Variants in ARHGAP22 observed in about 807,000 individuals in gnomAD.
The protein encoded by ARHGAP22 is rho GTPase-activating protein 22.
ARHGAP22 carries 48 observed loss-of-function variants against 59.1 expected under a neutral mutation model. The ratio of observed to expected loss-of-function variants is 0.81; its 90% CI spans 0.64 to 1.03. The LOEUF (loss-of-function observed/expected upper bound fraction) is 1.03, where lower values mean the gene tolerates loss of function less well. Among genes scored for constraint, ARHGAP22 ranks in the 50% least tolerant of loss-of-function variants. ARHGAP22 has a pLI of 0.00. For synonymous variants in ARHGAP22, 445 were observed against 416.4 expected (o/e 1.07, Z -0.84); for missense variants, 1,015 against 958.7 (o/e 1.06, Z -0.78).
intron 1 of ARHGAP22, among the ~76,000 whole-genome samples, chr10:48,634,384 C>T (rs1003113244): frequency 3.4e-4 from 52 of 152,220 alleles, no homozygotes; most frequent in African/African-American, 1.2e-3. Context: ...GGATAAGCTG[C>T]TGGGTGCAGA....
At chr10:48,457,210 G>C (rs11101331) in intron 5 of ARHGAP22, among the ~76,000 whole-genome samples, 1 of 152,004 alleles carries the variant, frequency 6.6e-6, no homozygotes. Context: ...TGCAGAACAC[G>C]CCATGCCTCC....
chr10:48,635,824 A>T (rs1208746043), intron 1 of ARHGAP22, among the ~76,000 whole-genome samples: 3 of 152,192 alleles, frequency 2.0e-5, no homozygotes, highest in Non-Finnish European at 4.4e-5. Flanking sequence ...ATTGGACAAC[A>T]TAAACTTAGA....
intron 3 of ARHGAP22, among the ~76,000 whole-genome samples, chr10:48,491,662 A>C (rs560386257): frequency 1.1e-3 from 171 of 152,390 alleles, no homozygotes; most frequent in African/African-American, 3.9e-3. Context: ...GCAGCGGCAG[A>C]ACAAAGGAGA....
chr10:48,601,345 C>A (rs1019098743), intron 1 of ARHGAP22, among the ~76,000 whole-genome samples: 5 of 152,206 alleles, frequency 3.3e-5, no homozygotes, highest in Non-Finnish European at 5.9e-5. Flanking sequence ...GATTCCCTAA[C>A]CACTTTTCAA....
At chr10:48,577,642 G>A (rs1588908278) in intron 2 of ARHGAP22, among the ~76,000 whole-genome samples, 2 of 152,008 alleles carry the variant, frequency 1.3e-5, no homozygotes, top group African/African-American at 4.8e-5. Context: ...TGTTCTCTAA[G>A]ATATTCCACC....
intron 3 of ARHGAP22, among the ~76,000 whole-genome samples, chr10:48,488,063 A>G (rs1306490841): frequency 1.3e-5 from 2 of 152,214 alleles, no homozygotes; most frequent in Non-Finnish European, 2.9e-5. Context: ...ATAAATAAAT[A>G]AATAGTAAAC....
At chr10:48,608,445 G>A (rs923467820), upstream of ARHGAP22, among the ~76,000 whole-genome samples, 5 of 152,182 alleles carry the variant, frequency 3.3e-5, no homozygotes, top group Non-Finnish European at 7.3e-5. Flanking sequence ...GCACAAAGGC[G>A]ACATATAGAT....
At chr10:48,602,689 A>G (rs978156559) in intron 1 of ARHGAP22, among the ~76,000 whole-genome samples, 1 of 152,206 alleles carries the variant, frequency 6.6e-6, no homozygotes, top group Non-Finnish European at 1.5e-5. Context: ...TTGGGGGTAT[A>G]ATGATGTCCC....
At chr10:48,559,616 G>C (rs1297673748) in intron 2 of ARHGAP22, among the ~76,000 whole-genome samples, 1 of 152,196 alleles carries the variant, frequency 6.6e-6, no homozygotes, top group Non-Finnish European at 1.5e-5. Context: ...TGGTCATTAA[G>C]TGCTGATTGT....
chr10:48,469,612 A>T (rs1372265276), intron 4 of ARHGAP22, among the ~76,000 whole-genome samples: 1 of 152,170 alleles, frequency 6.6e-6, no homozygotes, highest in Non-Finnish European at 1.5e-5. Flanking sequence ...TGGCAACAGC[A>T]TCCAGCGATG....
intron 3 of ARHGAP22, among the ~76,000 whole-genome samples, chr10:48,528,268 C>T (rs1221909115): frequency 2.0e-5 from 3 of 152,198 alleles, no homozygotes; most frequent in African/African-American, 7.2e-5. Flanking sequence ...AAGGCACCCT[C>T]ACAGCACTAT....
At chr10:48,613,648 T>C (rs1176923055) in intron 1 of ARHGAP22, among the ~76,000 whole-genome samples, 4 of 151,384 alleles carry the variant, frequency 2.6e-5, no homozygotes, top group African/African-American at 9.7e-5. Context: ...GGAATATAAC[T>C]TTTATAGACC....
intron 3 of ARHGAP22, among the ~76,000 whole-genome samples, chr10:48,501,792 C>T (rs182926619): frequency 2.2e-4 from 33 of 152,030 alleles, no homozygotes; most frequent in Admixed American, 1.2e-3. Context: ...CGGGATGCTC[C>T]GTTACTATGT....
chr10:48,618,544 T>C (rs1405679152), intron 1 of ARHGAP22, among the ~76,000 whole-genome samples: 2 of 152,082 alleles, frequency 1.3e-5, no homozygotes, highest in African/African-American at 4.8e-5. Context: ...GTTCAACATA[T>C]GCAAATCAAT....
intron 3 of ARHGAP22, among the ~76,000 whole-genome samples, chr10:48,524,650 G>A (rs1173947349): frequency 6.6e-6 from 1 of 152,302 alleles, no homozygotes. Context: ...TTTGTCGGGG[G>A]TGTTCAGGAC....
chr10:48,563,580 A>G (rs2057851492), intron 2 of ARHGAP22, among the ~76,000 whole-genome samples: 1 of 152,214 alleles, frequency 6.6e-6, no homozygotes, highest in Non-Finnish European at 1.5e-5. Flanking sequence ...AACATAACAT[A>G]TTCACATGTT....
chr10:48,485,572 A>G (rs537199083), intron 3 of ARHGAP22, among the ~76,000 whole-genome samples: 130 of 152,296 alleles, frequency 8.5e-4, no homozygotes, highest in Middle Eastern at 6.8e-3. Context: ...TACTTCTTCT[A>G]TCAATTATTG....
At chr10:48,655,099 C>CCTCTCCTCTCCTCTCT (rs2062751963), upstream of ARHGAP22, among the ~76,000 whole-genome samples, 1 of 78,274 alleles carries the variant, frequency 1.3e-5, no homozygotes, top group African/African-American at 5.0e-5. Flanking sequence ...CTTCTCTTCT[C>CCTCTCCTCTCCTCTCT]TTCTCTTCTC....
At chr10:48,590,738 C>T (rs11591884) in intron 1 of ARHGAP22, among the ~76,000 whole-genome samples, 11 of 152,036 alleles carry the variant, frequency 7.2e-5, no homozygotes, top group African/African-American at 1.7e-4. Flanking sequence ...GTAAACTTGG[C>T]GCTTGCTCTA....
Sources: allele counts gnomAD v4.1 joint callset (sites outside exome capture counted in the v4.1 genomes callset), GRCh38; gene constraint gnomAD v4.1.1; transcripts MANE v1.5; gene names NCBI Gene and HGNC (gene_info 2026-07-23, HGNC 2026-07-21).